The following TRIM44 variants were observed in gnomAD, a reference collection of about 807,000 sequenced individuals.
TRIM44 encodes the protein tripartite motif containing 44.
Under a neutral mutation model 37.4 loss-of-function variants are expected in TRIM44, and 13 were observed. The observed-to-expected ratio is 0.35, with a 90% CI of 0.23 to 0.55. TRIM44 has a LOEUF of 0.55. Ranked by LOEUF, TRIM44 falls within the 20% of genes least tolerant of loss-of-function variation. TRIM44 has a pLI of 0.89. For synonymous variants in TRIM44, 175 were observed against 157.2 expected, an observed-to-expected ratio of 1.11 and a Z score of -0.85; for missense variants, 426 against 437.2, an observed-to-expected ratio of 0.97 and a Z score of 0.23.
intron 3 of TRIM44, among the ~76,000 whole-genome samples, chr11:35,726,861 T>TAAA (rs141296769): frequency 6.8e-6 from 1 of 146,246 alleles, no homozygotes; most frequent in Admixed American, 6.8e-5. Flanking sequence ...AGGTAGCCAT[T>TAAA]AAAAAAAAAA....
At chr11:35,674,210 G>A (rs1159798021) in intron 1 of TRIM44, among the ~76,000 whole-genome samples, 1 of 148,384 alleles carries the variant, frequency 6.7e-6, no homozygotes, top group Non-Finnish European at 1.5e-5. Flanking sequence ...TCTTGTGTGT[G>A]TGAGTGGGAG....
At chr11:35,720,570 C>T (rs1440812593) in intron 2 of TRIM44, among the ~76,000 whole-genome samples, 1 of 152,108 alleles carries the variant, frequency 6.6e-6, no homozygotes, top group African/African-American at 2.4e-5. Context: ...ATTTTCAGTA[C>T]AGTGTTGAAA....
Position 35,810,318 on chromosome 11 carries a change from T to C in TRIM44, c.*3933T>C, listed in dbSNP as rs1853513346. The C allele has an allele frequency of 6.6e-6, 1 of 152,168 alleles. No homozygotes were observed. Among genetic ancestry groups the C allele is most frequent in the South Asian group, 2.1e-4 (1 of 4,822 alleles). The allele number at this position is 152,168 out of a possible 1,614,324, so 9.4% of individuals were successfully genotyped here. ...ATTCATATAATGGCTGTGCAATACA[T>C]GCTTCTCAATAAGAAAATTAACTGC... On this transcript the variant is annotated 3_prime_UTR_variant, in exon 5 of 5. Transcript: ENST00000299413.
Position 35,812,425 on chromosome 11 carries a change from T to C in TRIM44, c.*6040T>C, listed in dbSNP as rs1343761658. 1 of 152,222 alleles carries C rather than the reference T, an allele frequency of 6.6e-6. No homozygotes were observed. Among genetic ancestry groups the C allele is most frequent in the Non-Finnish European group, 1.5e-5 (1 of 68,038 alleles). 9.4% of individuals were successfully genotyped at this position (152,222 alleles called of 1,614,324 possible). ...TCCAGGTTTAAATCATTCATTTATG[T>C]TAATAAGAGCTGTCACTTAGCTCTT... On this transcript the variant is annotated 3_prime_UTR_variant, in exon 5 of 5. Coordinates refer to ENST00000299413, the MANE Select transcript of TRIM44 (RefSeq NM_017583.6).
intron 2 of TRIM44, among the ~76,000 whole-genome samples, chr11:35,703,363 T>C (rs1187913717): frequency 2.0e-5 from 3 of 151,968 alleles, no homozygotes; most frequent in Non-Finnish European, 4.4e-5. Context: ...CAGTAACCTC[T>C]GCAGACTTAA....
At chr11:35,673,260 T>C (rs1480762097) in intron 1 of TRIM44, among the ~76,000 whole-genome samples, 1 of 152,210 alleles carries the variant, frequency 6.6e-6, no homozygotes, top group Non-Finnish European at 1.5e-5. Context: ...GAGCATATGA[T>C]ATTGGGCAGA....
At position 35,725,913 on chromosome 11, in the gene TRIM44, C is replaced by T; in HGVS notation, c.748-11C>T. On this transcript the variant is annotated splice_polypyrimidine_tract_variant and intron_variant, in intron 2 of 4. Coordinates refer to ENST00000299413, the MANE Select transcript of TRIM44 (RefSeq NM_017583.6). ...TTCAACTTATTCTTCTTATTTGTCT[C>T]TGTTCTAAAGGTAACTCGGGACCAA... 2 of 1,612,032 alleles carry T rather than the reference C, an allele frequency of 1.2e-6. No individual in the cohort carries two copies. The highest frequency in any genetic ancestry group is 1.7e-6 in the Non-Finnish European group (2 of 1,178,588).
intron 3 of TRIM44, among the ~76,000 whole-genome samples, chr11:35,733,288 A>C (rs572060849): frequency 6.6e-6 from 1 of 152,154 alleles, no homozygotes; most frequent in Non-Finnish European, 1.5e-5. Flanking sequence ...CATTACACCA[A>C]GGTATGTGAT....
chr11:35,727,649 G>A (rs1353459007), intron 3 of TRIM44, among the ~76,000 whole-genome samples: 3 of 152,030 alleles, frequency 2.0e-5, no homozygotes, highest in Non-Finnish European at 4.4e-5. Context: ...TAATCCTTAC[G>A]TCAGCATTAA....
chr11:35,809,221 A>AAAAC lies in TRIM44; in HGVS notation c.*2838_*2841dup, dbSNP rs986814743. 2 of 152,206 alleles carry AAAAC rather than the reference A, an allele frequency of 1.3e-5. No homozygotes were observed. Among genetic ancestry groups the AAAAC allele is most frequent in the African/African-American group, 4.8e-5 (2 of 41,442 alleles). 9.4% of individuals were successfully genotyped at this position (152,206 alleles called of 1,614,324 possible). On this transcript the variant is annotated 3_prime_UTR_variant, in exon 5 of 5. Transcript: ENST00000299413. ...GGCCCTGAGCTGTCTCTTAGATAAT[A>AAAAC]AAACAGATGGGGAGTGGAAGAGTCA...
In TRIM44 at chr11:35,815,492, G is replaced by GTAT. The variant is rs1002645552; in HGVS notation, c.*9109_*9111dup. 6 of 152,158 alleles carry GTAT rather than the reference G, an allele frequency of 3.9e-5. No individual in the cohort carries two copies. The highest frequency in any genetic ancestry group is 1.4e-4 in the African/African-American group (6 of 41,504). The allele number at this position is 152,158 out of a possible 1,614,324, so 9.4% of individuals were successfully genotyped here. A position where few individuals can be genotyped will look rare whatever the true frequency, so the allele number is the denominator to read the frequency against. ...AAACCACTGATAACAATAAAAATGG[G>GTAT]TATTTCTCAACACTCAAGCCAATTT... On this transcript the variant is annotated 3_prime_UTR_variant, in exon 5 of 5. Transcript: ENST00000299413.
rs374833055 is a variant in TRIM44 at position 35,757,889 on chromosome 11, T to G, written c.1007+22444T>G. On this transcript the variant is annotated intron_variant, in intron 4 of 4. Coordinates refer to ENST00000299413, the MANE Select transcript of TRIM44 (RefSeq NM_017583.6). Reference sequence around the variant, plus strand: ...CAATTTGTTATAATTTCTGTTCTTTTACATTTGCTGAGGAGTACTTTACTT... The same window carrying G: ...CAATTTGTTATAATTTCTGTTCTTTGACATTTGCTGAGGAGTACTTTACTT... Among the ~76,000 whole-genome samples the G allele has an allele frequency of 5.9e-5, 9 of 152,354 alleles. No individual in the cohort carries two copies. In the East Asian group the frequency reaches 1.4e-3, roughly 23 times the overall value.
At chr11:35,677,095 T>A (rs1475618429) in intron 1 of TRIM44, among the ~76,000 whole-genome samples, 1 of 152,248 alleles carries the variant, frequency 6.6e-6, no homozygotes, top group African/African-American at 2.4e-5. Context: ...AGCTATGTTG[T>A]TATGTTTTCC....
chr11:35,714,089 C>G (rs538584125), intron 2 of TRIM44, among the ~76,000 whole-genome samples: 1 of 152,048 alleles, frequency 6.6e-6, no homozygotes, highest in East Asian at 1.9e-4. Context: ...TAGATGTTCC[C>G]TTGGGAAATT....
intron 4 of TRIM44, among the ~76,000 whole-genome samples, chr11:35,750,797 T>C (rs922203647): frequency 3.3e-5 from 5 of 152,196 alleles, no homozygotes; most frequent in African/African-American, 1.2e-4. Flanking sequence ...TCTAGGACAT[T>C]TCTCTGCTAT....
At chr11:35,728,832 G>A (rs951397234) in intron 3 of TRIM44, among the ~76,000 whole-genome samples, 5 of 152,002 alleles carry the variant, frequency 3.3e-5, no homozygotes, top group African/African-American at 9.7e-5. Context: ...ACATTTTGCC[G>A]TACTTGCTTC....
chr11:35,730,498 C>A (rs1242168981), intron 3 of TRIM44, among the ~76,000 whole-genome samples: 1 of 152,012 alleles, frequency 6.6e-6, no homozygotes, highest in Non-Finnish European at 1.5e-5. Flanking sequence ...GCAGAGTGAA[C>A]CTAAGCAAGA....
chr11:35,673,906 C>A (rs974727638), intron 1 of TRIM44, among the ~76,000 whole-genome samples: 1 of 151,846 alleles, frequency 6.6e-6, no homozygotes, highest in Non-Finnish European at 1.5e-5. Flanking sequence ...TGCACCTAAC[C>A]CAAGTCTGAG....
chr11:35,710,153 A>G (rs974980994), intron 2 of TRIM44, among the ~76,000 whole-genome samples: 2 of 152,160 alleles, frequency 1.3e-5, no homozygotes, highest in Non-Finnish European at 2.9e-5. Context: ...TAAGTTTTCA[A>G]TCTTGTCTAT....
Sources: allele counts gnomAD v4.1 joint callset (sites outside exome capture counted in the v4.1 genomes callset), GRCh38; gene constraint gnomAD v4.1.1; transcripts MANE v1.5; gene names NCBI Gene and HGNC (gene_info 2026-07-23, HGNC 2026-07-21).